RIMS4: variants seen among roughly 807,000 people sequenced by gnomAD.
The protein encoded by RIMS4 is regulating synaptic membrane exocytosis protein 4.
In RIMS4, 9 loss-of-function variants were observed where a neutral mutation model predicts 29.0. The ratio of observed to expected loss-of-function variants is 0.31; its 90% CI spans 0.19 to 0.54. RIMS4 has a LOEUF of 0.54. RIMS4 is among the 20% of genes least tolerant of loss of function. RIMS4 has a pLI of 0.94. For synonymous variants in RIMS4, 130 were observed against 152.9 expected (o/e 0.85, Z 1.10); for missense variants, 193 against 365.7 (o/e 0.53, Z 3.85).
chr20:44,785,767 T>G (rs1209887113), intron 1 of RIMS4, among the ~76,000 whole-genome samples: 1 of 151,606 alleles, frequency 6.6e-6, no homozygotes, highest in Non-Finnish European at 1.5e-5. Context: ...TTTTTTTTTT[T>G]TGCCAACTCT....
intron 1 of RIMS4, among the ~76,000 whole-genome samples, chr20:44,777,658 G>A (rs888793162): frequency 2.6e-5 from 4 of 152,152 alleles, no homozygotes; most frequent in African/African-American, 7.2e-5. Context: ...GGATGTGTTG[G>A]GGGGAGGGAG....
chr20:44,795,180 G>T (rs2066249260), intron 1 of RIMS4, among the ~76,000 whole-genome samples: 2 of 152,242 alleles, frequency 1.3e-5, no homozygotes, highest in South Asian at 4.1e-4. Flanking sequence ...TGTGCTAAGG[G>T]CTTCACAGGT....
At chr20:44,803,451 C>A (rs776035662) in intron 1 of RIMS4, among the ~76,000 whole-genome samples, 8 of 152,222 alleles carry the variant, frequency 5.3e-5, no homozygotes, top group African/African-American at 1.9e-4. Context: ...GCTGGTCCAT[C>A]CAGAGAAGGC....
intron 2 of RIMS4, among the ~76,000 whole-genome samples, chr20:44,770,133 A>T (rs1431191662): frequency 2.0e-5 from 3 of 152,278 alleles, no homozygotes; most frequent in Middle Eastern, 3.4e-3. Flanking sequence ...TCCCATGTGC[A>T]CAAGAATCAT....
At chr20:44,762,352 C>T (rs1684835141) in intron 2 of RIMS4, among the ~76,000 whole-genome samples, 2 of 152,146 alleles carry the variant, frequency 1.3e-5, no homozygotes, top group South Asian at 4.1e-4. Context: ...CCTCCATGCC[C>T]CTGGGTCTCT....
At chr20:44,786,038 G>T (rs2066207164) in intron 1 of RIMS4, among the ~76,000 whole-genome samples, 1 of 152,184 alleles carries the variant, frequency 6.6e-6, no homozygotes, top group African/African-American at 2.4e-5. Context: ...GCAAAGAGAA[G>T]TCTGTGCCTG....
intron 1 of RIMS4, among the ~76,000 whole-genome samples, chr20:44,786,628 T>C (rs375546501): frequency 2.0e-5 from 3 of 152,208 alleles, no homozygotes; most frequent in Admixed American, 6.5e-5. Flanking sequence ...GTTACAACTA[T>C]AGTCTAAGTG....
intron 1 of RIMS4, among the ~76,000 whole-genome samples, chr20:44,799,928 G>A (rs2066270509): frequency 6.6e-6 from 1 of 152,174 alleles, no homozygotes; most frequent in African/African-American, 2.4e-5. Flanking sequence ...TGTGTACCAG[G>A]CTCTCTACCA....
chr20:44,771,749 A>G (rs772650885), intron 1 of RIMS4, among the ~76,000 whole-genome samples: 9 of 152,098 alleles, frequency 5.9e-5, no homozygotes, highest in Non-Finnish European at 7.4e-5. Context: ...CTACTGTGTC[A>G]AGTGCTTTGC....
At chr20:44,798,173 G>A (rs2066262780) in intron 1 of RIMS4, among the ~76,000 whole-genome samples, 1 of 152,214 alleles carries the variant, frequency 6.6e-6, no homozygotes, top group Non-Finnish European at 1.5e-5. Flanking sequence ...AAGGTGCAAA[G>A]TAGAAAGTCA....
intron 1 of RIMS4, among the ~76,000 whole-genome samples, chr20:44,804,030 T>C (rs974648452): frequency 1.3e-4 from 20 of 152,184 alleles, no homozygotes; most frequent in Non-Finnish European, 2.4e-4. Flanking sequence ...AGGATCTCAT[T>C]TCATGCCCAG....
intron 1 of RIMS4, among the ~76,000 whole-genome samples, chr20:44,791,812 C>T (rs1367586903): frequency 2.0e-5 from 3 of 152,144 alleles, no homozygotes; most frequent in South Asian, 4.1e-4. Context: ...AAGCAGAGGC[C>T]CCAGAGGCCT....
At chr20:44,784,805 C>T (rs2066200811) in intron 1 of RIMS4, among the ~76,000 whole-genome samples, 1 of 152,250 alleles carries the variant, frequency 6.6e-6, no homozygotes, top group African/African-American at 2.4e-5. Context: ...GGTTGCTTTT[C>T]TCTCTCTCAA....
At position 44,766,095 on chromosome 20, in the gene RIMS4, G is replaced by A. The variant is rs539067585; in HGVS notation, c.236+5180C>T. ...GGCACTGTGGTGGGGGAGGGACAGG[G>A]GACTGTGAGAGCTGCTGATACAGCC... On this transcript the variant is annotated intron_variant, in intron 2 of 5. Coordinates refer to ENST00000372851, the MANE Select transcript of RIMS4 (RefSeq NM_182970.4). 3.3e-5 allele frequency among the ~76,000 whole-genome samples: 5 copies of A among 152,228 alleles called. No individual in the cohort carries two copies. The South Asian group carries it at 1.0e-3, about 32-fold the overall frequency.
At chr20:44,763,905 A>AG (rs1446551315) in intron 2 of RIMS4, among the ~76,000 whole-genome samples, 1 of 152,082 alleles carries the variant, frequency 6.6e-6, no homozygotes, top group Non-Finnish European at 1.5e-5. Context: ...AAGGTTTAGG[A>AG]GTTTACGGGT....
chr20:44,773,937 C>T (rs2066148376), intron 1 of RIMS4, among the ~76,000 whole-genome samples: 1 of 152,090 alleles, frequency 6.6e-6, no homozygotes, highest in South Asian at 2.1e-4. Context: ...CATAAAAAGC[C>T]AAACCACTGC....
intron 2 of RIMS4, among the ~76,000 whole-genome samples, chr20:44,771,050 G>A (rs6124659): frequency 0.1 from 15,819 of 152,260 alleles, 1,247 homozygotes; most frequent in African/African-American, 0.21. Flanking sequence ...ACAGCAGGAA[G>A]GGGGTGGAGC....
chr20:44,810,538 G>A lies in RIMS4; in HGVS notation c.-267C>T, dbSNP rs2066321669. Among the ~76,000 whole-genome samples, 1 of 145,816 alleles carries A rather than the reference G, an allele frequency of 6.9e-6. No homozygotes were observed. Among genetic ancestry groups the A allele is most frequent in the African/African-American group, 2.5e-5 (1 of 40,704 alleles). ...CGGTGGCGGCGGCGGTGGCGGCGCA[G>A]CGCGCTCTGGTCCGCGGCGCCCCCC... On this transcript the variant is annotated 5_prime_UTR_variant, in exon 1 of 6. Coordinates refer to ENST00000372851, the MANE Select transcript of RIMS4 (RefSeq NM_182970.4).
intron 1 of RIMS4, among the ~76,000 whole-genome samples, chr20:44,806,761 G>A (rs928220094): frequency 2.0e-5 from 3 of 152,192 alleles, no homozygotes; most frequent in African/African-American, 7.2e-5. Flanking sequence ...GCTTAAGTCA[G>A]ATTGCCCAAG....
Sources: allele counts gnomAD v4.1 joint callset (sites outside exome capture counted in the v4.1 genomes callset), GRCh38; gene constraint gnomAD v4.1.1; transcripts MANE v1.5; gene names NCBI Gene and HGNC (gene_info 2026-07-23, HGNC 2026-07-21).